Variants in PDE4D observed in about 807,000 individuals in gnomAD.
PDE4D encodes the protein phosphodiesterase 4D, also known as 3',5'-cyclic-AMP phosphodiesterase 4D.
In PDE4D, 24 loss-of-function variants were observed where a neutral mutation model predicts 87.4. That is an observed-to-expected ratio of 0.27 (90% CI 0.20 to 0.39). The LOEUF (loss-of-function observed/expected upper bound fraction) is 0.39, where lower values mean the gene tolerates loss of function less well. Among genes scored for constraint, PDE4D ranks in the 10% least tolerant of loss-of-function variants. The pLI, the probability that PDE4D is intolerant of heterozygous loss-of-function variation, is 1.00. For synonymous variants in PDE4D, 384 were observed against 383.2 expected, an observed-to-expected ratio of 1.00 and a Z score of -0.02; for missense variants, 714 against 1,041.0, an observed-to-expected ratio of 0.69 and a Z score of 4.32.
At chr5:59,043,885 T>A (rs1760170798) in intron 5 of PDE4D, among the ~76,000 whole-genome samples, 4 of 152,232 alleles carry the variant, frequency 2.6e-5, no homozygotes, top group Admixed American at 2.6e-4. Context: ...GGACATGAAC[T>A]CATCCTTTTT....
intron 1 of PDE4D, among the ~76,000 whole-genome samples, chr5:59,326,488 T>C (rs1180156690): frequency 2.0e-5 from 3 of 152,030 alleles, no homozygotes; most frequent in African/African-American, 7.2e-5. Flanking sequence ...CTAGTCCAAA[T>C]TGAGATGTGT....
At chr5:60,247,312 T>C (rs1259043021) in intron 1 of PDE4D, among the ~76,000 whole-genome samples, 1 of 151,998 alleles carries the variant, frequency 6.6e-6, no homozygotes, top group Non-Finnish European at 1.5e-5. Context: ...TTTATTTCCT[T>C]TCAAGATTAG....
At chr5:59,389,010 G>A (rs1300509770) in intron 1 of PDE4D, among the ~76,000 whole-genome samples, 2 of 152,014 alleles carry the variant, frequency 1.3e-5, no homozygotes, top group South Asian at 2.1e-4. Context: ...TATGTAAAAT[G>A]TAAGTATTTA....
chr5:60,274,580 T>A (rs4302547), intron 1 of PDE4D, among the ~76,000 whole-genome samples: 3,174 of 152,246 alleles, frequency 0.021, 54 homozygotes, highest in East Asian at 0.082. Flanking sequence ...AGGCTGGTCA[T>A]GAACTCCTGA....
chr5:59,286,746 G>A (rs1767031008), intron 1 of PDE4D, among the ~76,000 whole-genome samples: 1 of 152,002 alleles, frequency 6.6e-6, no homozygotes. Context: ...CTACTAACCT[G>A]TTTTGTATTC....
intron 11 of PDE4D, among the ~76,000 whole-genome samples, chr5:58,984,412 ATAATAT>A (rs1440873392): frequency 6.6e-6 from 1 of 152,348 alleles, no homozygotes; most frequent in East Asian, 1.9e-4. Context: ...AGTGCCTGAA[ATAATAT>A]TTATTATAAC....
At chr5:60,082,119 A>G (rs148938655) in intron 2 of PDE4D, among the ~76,000 whole-genome samples, 70 of 152,220 alleles carry the variant, frequency 4.6e-4, no homozygotes, top group African/African-American at 1.4e-3. Context: ...CTCACCCTCT[A>G]TGTTAGGGAA....
chr5:59,401,390 A>T (rs1790590899), intron 1 of PDE4D, among the ~76,000 whole-genome samples: 1 of 152,120 alleles, frequency 6.6e-6, no homozygotes, highest in Non-Finnish European at 1.5e-5. Context: ...TGGTCATGCC[A>T]CTGCACTCCA....
chr5:59,694,020 A>T (rs1435659749), intron 1 of PDE4D, among the ~76,000 whole-genome samples: 1 of 152,078 alleles, frequency 6.6e-6, no homozygotes, highest in Non-Finnish European at 1.5e-5. Flanking sequence ...CTCGGGGAGG[A>T]AAAAAAGGAC....
chr5:60,017,956 C>T (rs1365428112), intron 2 of PDE4D, among the ~76,000 whole-genome samples: 1 of 152,156 alleles, frequency 6.6e-6, no homozygotes, highest in African/African-American at 2.4e-5. Flanking sequence ...TCAACAGTAT[C>T]TGTTGTTTCT....
At chr5:59,079,828 AGGAAAGGAGG>A (rs1368185217) in intron 5 of PDE4D, among the ~76,000 whole-genome samples, 12 of 135,450 alleles carry the variant, frequency 8.9e-5, no homozygotes, top group Non-Finnish European at 1.6e-4. Flanking sequence ...AGGAAAGGAA[AGGAAAGGAGG>A]GGAGAGGAGG....
At chr5:59,206,142 A>C (rs1748740576) in intron 2 of PDE4D, among the ~76,000 whole-genome samples, 1 of 151,606 alleles carries the variant, frequency 6.6e-6, no homozygotes, top group Admixed American at 6.6e-5. Context: ...GGTGGACACA[A>C]AGCCTAGGAG....
In PDE4D at chr5:58,975,586, G is replaced by T; in HGVS notation, c.2013+71C>A. Reference sequence around the variant, plus strand: ...AAAATCCAGTAAAATACTATCATATGTAATACAAAGTAACCAAATGCTAAA... The same window carrying T: ...AAAATCCAGTAAAATACTATCATATTTAATACAAAGTAACCAAATGCTAAA... On this transcript the variant is annotated intron_variant, in intron 14 of 14. Coordinates refer to ENST00000340635, the MANE Select transcript of PDE4D (RefSeq NM_001104631.2). The surrounding 1 kb of genome is among the most constrained non-coding windows in gnomAD (Gnocchi z 4.2). 8.3e-7 allele frequency: 1 copy of T among 1,207,402 alleles called. No individual in the cohort carries two copies. 74.8% of individuals were successfully genotyped at this position (1,207,402 alleles called of 1,614,324 possible).
Position 60,458,979 on chromosome 5 carries a change from TTG to T in PDE4D, c.-90+28961_-90+28962del, listed in dbSNP as rs56310406. Among the ~76,000 whole-genome samples, 729 of 148,010 alleles carry T rather than the reference TTG, an allele frequency of 4.9e-3. 3 individuals are homozygous for T. The highest frequency in any genetic ancestry group is 0.014 in the African/African-American group (582 of 40,676). The stretch of plus-strand genomic sequence containing the variant: ...AAAGTGGTGTGATTTTGGTATAAGT[TTG>T]TGTGTGTGTGTGTGTGTGTGTTGTG... On this transcript the variant is annotated intron_variant, in intron 1 of 16. Coordinates refer to the PDE4D transcript ENST00000502484.
chr5:60,001,241 G>T (rs1763984937), intron 2 of PDE4D, among the ~76,000 whole-genome samples: 2 of 152,134 alleles, frequency 1.3e-5, no homozygotes, highest in Admixed American at 1.3e-4. Context: ...GGAAGAGAAG[G>T]TTGTTAAAAT....
intron 2 of PDE4D, among the ~76,000 whole-genome samples, chr5:60,019,947 C>A (rs1407935688): frequency 6.6e-6 from 1 of 151,982 alleles, no homozygotes; most frequent in Non-Finnish European, 1.5e-5. Flanking sequence ...AGAGGCTTAG[C>A]TTCCAGCCTA....
At chr5:59,203,984 G>C (rs1257666157) in intron 2 of PDE4D, among the ~76,000 whole-genome samples, 1 of 152,128 alleles carries the variant, frequency 6.6e-6, no homozygotes, top group East Asian at 1.9e-4. Flanking sequence ...TAGTATACCT[G>C]AAAATTGCTG....
rs575961295 is a variant in PDE4D at position 59,058,023 on chromosome 5, T to C, written c.809-19052A>G. Among the ~76,000 whole-genome samples, 3 of 152,330 alleles carry C rather than the reference T, an allele frequency of 2.0e-5. No homozygotes were observed. The East Asian group carries it at 5.8e-4, about 29-fold the overall frequency. ...CACTAAACAGTCTATCACAATTATG[T>C]GTTTATTACTAGACTGAATTTCTCT... On this transcript the variant is annotated intron_variant, in intron 5 of 14. Coordinates refer to ENST00000340635, the MANE Select transcript of PDE4D (RefSeq NM_001104631.2).
intron 1 of PDE4D, among the ~76,000 whole-genome samples, chr5:59,712,185 A>G (rs298098): frequency 0.75 from 113,720 of 151,404 alleles, 42,828 homozygotes; most frequent in East Asian, 0.84. Flanking sequence ...AAGTTATCCT[A>G]GAGCAGTCCA....
Sources: allele counts gnomAD v4.1 joint callset (sites outside exome capture counted in the v4.1 genomes callset), GRCh38; gene constraint gnomAD v4.1.1; non-coding constraint Gnocchi (gnomAD v3.1); transcripts MANE v1.5; gene names NCBI Gene and HGNC (gene_info 2026-07-23, HGNC 2026-07-21).